Variants in SPMIP5 observed in about 807,000 individuals in gnomAD.
SPMIP5 encodes sperm-associated microtubule inner protein 5.
At chr10:116,669,056 A>C in the SPMIP5 span, among the ~76,000 whole-genome samples, 2 of 151,790 alleles carry the variant, frequency 1.3e-5, no homozygotes, top group Non-Finnish European at 2.9e-5. Context: ...AGCAGAGGCC[A>C]CCCTCTGCTT....
the SPMIP5 span, among the ~76,000 whole-genome samples, chr10:116,662,418 T>C: frequency 6.6e-6 from 1 of 152,170 alleles, no homozygotes; most frequent in African/African-American, 2.4e-5. Context: ...CCTGCATTCA[T>C]CAAGGAAGGA....
At chr10:116,665,285 T>C in the SPMIP5 span, 1 of 411,680 alleles carries the variant, frequency 2.4e-6, no homozygotes, top group Non-Finnish European at 3.9e-6. Flanking sequence ...TAGTCTCAGC[T>C]ACTTGGCTGA....
the SPMIP5 span, among the ~76,000 whole-genome samples, chr10:116,663,275 C>A: frequency 6.6e-6 from 1 of 151,810 alleles, no homozygotes; most frequent in African/African-American, 2.4e-5. Context: ...AACGTGGCTG[C>A]AAAACACAGC....
chr10:116,664,312 T>C, the SPMIP5 span: 11 of 1,362,104 alleles, frequency 8.1e-6, no homozygotes, highest in African/African-American at 1.5e-5. Context: ...GGACCTTTTA[T>C]TAAGAATAGA....
chr10:116,668,394 T>G, the SPMIP5 span: 1 of 1,215,070 alleles, frequency 8.2e-7, no homozygotes. Flanking sequence ...TACTATTGAG[T>G]GTGCACAAGC....
the SPMIP5 span, chr10:116,663,848 G>A: frequency 1.4e-6 from 2 of 1,469,124 alleles, no homozygotes; most frequent in Non-Finnish European, 1.8e-6. Context: ...TCCAACATGA[G>A]AATGGCAGGT....
At chr10:116,666,128 A>G in the SPMIP5 span, among the ~76,000 whole-genome samples, 1 of 152,244 alleles carries the variant, frequency 6.6e-6, no homozygotes, top group South Asian at 2.1e-4. Context: ...GAAAATGGGG[A>G]AAGCATTTAA....
chr10:116,664,643 A>G, the SPMIP5 span: 1 of 1,509,910 alleles, frequency 6.6e-7, no homozygotes, highest in Non-Finnish European at 8.8e-7. Context: ...CTTCTCTAAG[A>G]CAAATCACAC....
At chr10:116,665,094 C>A in the SPMIP5 span, 1 of 1,416,224 alleles carries the variant, frequency 7.1e-7, no homozygotes. Context: ...TGTGCCCCCT[C>A]CCCTAGAAAT....
chr10:116,668,363 A>C, the SPMIP5 span: 7 of 1,479,264 alleles, frequency 4.7e-6, no homozygotes, highest in African/African-American at 6.9e-5. Flanking sequence ...GGTCTCATCA[A>C]AAGTCACTGC....
chr10:116,665,722 G>A, the SPMIP5 span: 34 of 1,614,032 alleles, frequency 2.1e-5, no homozygotes, highest in Non-Finnish European at 2.3e-5. Context: ...CACAATTCCC[G>A]CAGCTGTTCT....
chr10:116,663,112 G>A, the SPMIP5 span, among the ~76,000 whole-genome samples: 3 of 149,662 alleles, frequency 2.0e-5, no homozygotes, highest in South Asian at 2.1e-4. Flanking sequence ...AACCCAGGAA[G>A]CAGAGCTTGC....
At chr10:116,665,288 T>C in the SPMIP5 span, 11 of 411,892 alleles carry the variant, frequency 2.7e-5, no homozygotes, top group Non-Finnish European at 3.9e-6. Context: ...TCTCAGCTAC[T>C]TGGCTGAGGC....
At chr10:116,665,708 G>A in the SPMIP5 span, 14 of 1,614,150 alleles carry the variant, frequency 8.7e-6, no homozygotes, top group East Asian at 2.2e-5. Context: ...TGGCCACTGC[G>A]CAGCACAATT....
the SPMIP5 span, among the ~76,000 whole-genome samples, chr10:116,666,324 C>A: frequency 6.6e-6 from 1 of 152,148 alleles, no homozygotes; most frequent in Admixed American, 6.5e-5. Flanking sequence ...GCAAGACCCA[C>A]CCCTAGCACA....
At chr10:116,666,247 A>C in the SPMIP5 span, among the ~76,000 whole-genome samples, 2 of 152,180 alleles carry the variant, frequency 1.3e-5, no homozygotes, top group Non-Finnish European at 2.9e-5. Flanking sequence ...TTCTTGCCGG[A>C]CCATCAGGAA....
chr10:116,669,968 C>G, the SPMIP5 span: 2 of 152,254 alleles, frequency 1.3e-5, no homozygotes, highest in Non-Finnish European at 2.9e-5. Flanking sequence ...TTGGCCTCTG[C>G]CCGGCCGCCC....
At chr10:116,665,653 G>A in the SPMIP5 span, 1 of 1,614,114 alleles carries the variant, frequency 6.2e-7, no homozygotes, top group East Asian at 2.2e-5. Flanking sequence ...TGCAGGGCCT[G>A]CAGGACCGTC....
the SPMIP5 span, chr10:116,664,658 A>G: frequency 6.5e-7 from 1 of 1,526,928 alleles, no homozygotes; most frequent in Non-Finnish European, 8.8e-7. Flanking sequence ...TCACACACAA[A>G]TAGTCCTAGT....
Sources: gnomAD v4.1 joint callset for allele counts (sites outside exome capture counted in the v4.1 genomes callset) on GRCh38, gnomAD v4.1.1 for gene constraint, MANE v1.5 for transcripts, NCBI Gene and HGNC (gene_info 2026-07-23, HGNC 2026-07-21) for gene names.